The following FARS2 variants were observed in gnomAD, a reference collection of about 807,000 sequenced individuals.
FARS2 encodes the protein phenylalanine--tRNA ligase, mitochondrial.
A neutral mutation model predicts 46.4 loss-of-function variants in FARS2; 40 were observed. The ratio of observed to expected loss-of-function variants is 0.86; its 90% CI spans 0.67 to 1.12. The LOEUF (loss-of-function observed/expected upper bound fraction) is 1.12, where lower values mean the gene tolerates loss of function less well. Ranked by LOEUF, FARS2 falls within the 50% of genes most tolerant of loss-of-function variation. FARS2 has a pLI of 0.00. For missense variants in FARS2, 513 were observed against 567.9 expected (o/e 0.90, Z 0.98); for synonymous variants, 234 against 214.9 (o/e 1.09, Z -0.78).
At chr6:5,279,678 C>G (rs1484122564) in intron 1 of FARS2, among the ~76,000 whole-genome samples, 1 of 151,536 alleles carries the variant, frequency 6.6e-6, no homozygotes, top group South Asian at 2.1e-4. Context: ...AGTTCAGTAC[C>G]GAAGACCTGA....
chr6:5,389,199 G>A (rs926605620), intron 2 of FARS2, among the ~76,000 whole-genome samples: 6 of 152,164 alleles, frequency 3.9e-5, no homozygotes, highest in African/African-American at 4.8e-5. Context: ...TGGACATAGC[G>A]TCATTCTTGG....
intron 1 of FARS2, among the ~76,000 whole-genome samples, chr6:5,284,063 T>A (rs536798823): frequency 1.3e-5 from 2 of 152,390 alleles, no homozygotes; most frequent in African/African-American, 4.8e-5. Context: ...GATAGTGTTA[T>A]CAAACAATTT....
At chr6:5,570,895 G>A (rs1054880039) in intron 5 of FARS2, among the ~76,000 whole-genome samples, 1 of 152,168 alleles carries the variant, frequency 6.6e-6, no homozygotes, top group Non-Finnish European at 1.5e-5. Context: ...ATTTCTTTGT[G>A]GAAGAATCAC....
intron 4 of FARS2, among the ~76,000 whole-genome samples, chr6:5,536,577 G>A (rs1286796249): frequency 6.6e-6 from 1 of 152,106 alleles, no homozygotes; most frequent in Non-Finnish European, 1.5e-5. Flanking sequence ...CTCATTCATA[G>A]CCACAAGTAC....
At chr6:5,440,936 T>A (rs941168039) in intron 4 of FARS2, among the ~76,000 whole-genome samples, 1 of 152,068 alleles carries the variant, frequency 6.6e-6, no homozygotes, top group African/African-American at 2.4e-5. Flanking sequence ...TTTTTTTCTT[T>A]TTTGAGACAG....
chr6:5,368,839 A>T lies in FARS2; in HGVS notation c.269A>T (p.Lys90Met), dbSNP rs1581903820. ...NQQHHPLWLIKERVKEHFYKQ... is the reference protein window; with the variant it reads ...NQQHHPLWLIMERVKEHFYKQ... ...CAGCATCACCCTCTGTGGCTGATCA[A>T]GGAGAGGGTGAAGGAGCACTTCTAC... Residue 90 changes from lysine to methionine, a missense_variant, in exon 2 of 7, where the codon AAG (lysine) becomes ATG (methionine). By Grantham distance (95) the Lys-to-Met change is moderately conservative. Transcript: ENST00000274680. 1 of 1,614,170 alleles carries T rather than the reference A, an allele frequency of 6.2e-7. No individual in the cohort carries two copies. Among genetic ancestry groups the T allele is most frequent in the Middle Eastern group, 1.6e-4 (1 of 6,062 alleles).
intron 4 of FARS2, among the ~76,000 whole-genome samples, chr6:5,483,264 C>G (rs976658909): frequency 3.9e-5 from 6 of 152,064 alleles, no homozygotes; most frequent in African/African-American, 1.5e-4. Context: ...TGCTCCTGCA[C>G]TCTATCTTTA....
chr6:5,503,673 T>C lies in FARS2; in HGVS notation c.905-41507T>C, dbSNP rs370521198. On this transcript the variant is annotated intron_variant, in intron 4 of 6. Transcript: ENST00000274680. ...ATTGTATCCAAACGAGTTGTGATAT[T>C]GTACTCTTAGAATTAGAAGCTGCCA... is the stretch of plus-strand genomic sequence containing the variant. Among the ~76,000 whole-genome samples the C allele has an allele frequency of 2.4e-4, 36 of 152,292 alleles. No individual in the cohort carries two copies. In the East Asian group the frequency reaches 4.8e-3, roughly 20 times the overall value.
At chr6:5,568,788 C>T (rs1036062766) in intron 5 of FARS2, among the ~76,000 whole-genome samples, 4 of 152,174 alleles carry the variant, frequency 2.6e-5, no homozygotes, top group South Asian at 2.1e-4. Flanking sequence ...GATCCCAGTG[C>T]GGATAAGATG....
At chr6:5,719,557 A>G (rs1026963719) in intron 6 of FARS2, among the ~76,000 whole-genome samples, 1 of 152,072 alleles carries the variant, frequency 6.6e-6, no homozygotes, top group Non-Finnish European at 1.5e-5. Context: ...TTCTTCAGAA[A>G]TCTCAGGTAA....
chr6:5,687,516 C>T (rs371757186), intron 6 of FARS2, among the ~76,000 whole-genome samples: 34 of 152,140 alleles, frequency 2.2e-4, no homozygotes, highest in South Asian at 4.2e-4. Flanking sequence ...TGTAGATATG[C>T]GGCATTATTT....
chr6:5,375,317 C>T (rs1759309475), intron 2 of FARS2, among the ~76,000 whole-genome samples: 1 of 151,882 alleles, frequency 6.6e-6, no homozygotes, highest in Admixed American at 6.6e-5. Flanking sequence ...TTTGTAGTAT[C>T]AACTAAAATA....
chr6:5,444,075 G>A (rs1023172140), intron 4 of FARS2, among the ~76,000 whole-genome samples: 1 of 148,818 alleles, frequency 6.7e-6, no homozygotes, highest in African/African-American at 2.5e-5. Flanking sequence ...AAAAGCCACT[G>A]ATATATGGAA....
At chr6:5,590,652 G>A (rs751724263) in intron 5 of FARS2, among the ~76,000 whole-genome samples, 2 of 152,196 alleles carry the variant, frequency 1.3e-5, no homozygotes. Flanking sequence ...CATATGTGCA[G>A]TCCTCATCCC....
chr6:5,323,794 A>G (rs1770151212), intron 1 of FARS2, among the ~76,000 whole-genome samples: 1 of 152,194 alleles, frequency 6.6e-6, no homozygotes, highest in Non-Finnish European at 1.5e-5. Flanking sequence ...TCATTTTAAA[A>G]TTCACCTTGA....
chr6:5,250,151 T>C, the FARS2 span, among the ~76,000 whole-genome samples: 7 of 152,256 alleles, frequency 4.6e-5, no homozygotes, highest in East Asian at 1.3e-3. Flanking sequence ...TATTTTCTCA[T>C]TGCTTTGACT....
chr6:5,592,709 G>T (rs1773984458), intron 5 of FARS2, among the ~76,000 whole-genome samples: 1 of 152,224 alleles, frequency 6.6e-6, no homozygotes, highest in Non-Finnish European at 1.5e-5. Flanking sequence ...TAAGAATGGG[G>T]AAGGCAGCAG....
intron 1 of FARS2, among the ~76,000 whole-genome samples, chr6:5,342,013 A>G (rs1771693725): frequency 1.3e-5 from 2 of 152,332 alleles, no homozygotes; most frequent in African/African-American, 4.8e-5. Context: ...AAGTAGAATC[A>G]CATGATCATA....
intron 6 of FARS2, among the ~76,000 whole-genome samples, chr6:5,660,656 A>C (rs1156249229): frequency 6.6e-6 from 1 of 151,406 alleles, no homozygotes; most frequent in Non-Finnish European, 1.5e-5. Context: ...CTCAGAAAAA[A>C]AAAAAAAAAA....
Sources: gnomAD v4.1 joint callset for allele counts (sites outside exome capture counted in the v4.1 genomes callset) on GRCh38, gnomAD v4.1.1 for gene constraint, MANE v1.5 for transcripts, NCBI Gene and HGNC (gene_info 2026-07-23, HGNC 2026-07-21) for gene names.